NCKAP1: variants seen among roughly 807,000 people sequenced by gnomAD.
NCKAP1 encodes the protein NCK associated protein 1.
NCKAP1 carries 21 observed loss-of-function variants against 151.2 expected under a neutral mutation model. The ratio of observed to expected loss-of-function variants is 0.14; its 90% CI spans 0.10 to 0.20. The LOEUF is 0.20. Ranked by LOEUF, NCKAP1 falls within the 10% of genes least tolerant of loss-of-function variation. The pLI is 1.00. For synonymous variants in NCKAP1, 484 were observed against 451.8 expected (o/e 1.07, Z -0.90); for missense variants, 933 against 1,352.1 (o/e 0.69, Z 4.86).
chr2:182,978,244 C>T (rs1697865795), intron 14 of NCKAP1, among the ~76,000 whole-genome samples: 2 of 152,244 alleles, frequency 1.3e-5, no homozygotes, highest in Middle Eastern at 6.8e-3. Flanking sequence ...TATTAAAAGA[C>T]TATAAAACTA....
At chr2:183,028,102 C>A (rs779495594) in intron 1 of NCKAP1, among the ~76,000 whole-genome samples, 22 of 152,028 alleles carry the variant, frequency 1.4e-4, no homozygotes, top group African/African-American at 5.3e-4. Flanking sequence ...GCACTTCTAT[C>A]CCCCATACTC....
intron 4 of NCKAP1, among the ~76,000 whole-genome samples, chr2:183,002,624 T>A (rs950228841): frequency 6.6e-6 from 1 of 151,792 alleles, no homozygotes; most frequent in Admixed American, 6.6e-5. Flanking sequence ...TGGAGACAAT[T>A]TTCACTTTGA....
At chr2:182,995,495 A>G (rs1698250951) in intron 7 of NCKAP1, among the ~76,000 whole-genome samples, 1 of 152,334 alleles carries the variant, frequency 6.6e-6, no homozygotes, top group Non-Finnish European at 1.5e-5. Flanking sequence ...TACTCATACT[A>G]TTCACCATAT....
At chr2:183,016,504 T>C (rs889964756) in intron 2 of NCKAP1, among the ~76,000 whole-genome samples, 1 of 152,234 alleles carries the variant, frequency 6.6e-6, no homozygotes, top group Non-Finnish European at 1.5e-5. Flanking sequence ...ATTCCTTAAA[T>C]CCTGGCAATG....
chr2:183,005,088 A>G lies in NCKAP1; in HGVS notation c.220-1763T>C, dbSNP rs528463181. ...TTTTAATCATTACTACTCCAAAAAC[A>G]TAAAGTGAATACTTATTACCTTATT... On this transcript the variant is annotated intron_variant, in intron 2 of 30. Coordinates refer to ENST00000361354, the MANE Select transcript of NCKAP1 (RefSeq NM_013436.5). 9.2e-5 allele frequency among the ~76,000 whole-genome samples: 14 copies of G among 152,284 alleles called. No individual in the cohort carries two copies. In the South Asian group the frequency reaches 2.9e-3, roughly 32 times the overall value.
chr2:183,024,295 G>C (rs1356138927), intron 1 of NCKAP1, among the ~76,000 whole-genome samples: 4 of 152,112 alleles, frequency 2.6e-5, no homozygotes, highest in African/African-American at 9.7e-5. Flanking sequence ...CTTTCTAAGT[G>C]TTATAAAATA....
Position 182,914,686 on chromosome 2 carries a change from A to G in NCKAP1, c.*11016T>C, listed in dbSNP as rs904821008. 2 of 152,208 alleles carry G rather than the reference A, an allele frequency of 1.3e-5. No individual in the cohort carries two copies. Among genetic ancestry groups the G allele is most frequent in the African/African-American group, 4.8e-5 (2 of 41,452 alleles). The allele number at this position is 152,208 out of a possible 1,614,324, so 9.4% of individuals were successfully genotyped here. A position where few individuals can be genotyped will look rare whatever the true frequency, so the allele number is the denominator to read the frequency against. ...GAGGGGTTCTATTACTAATTTGAAG[A>G]GTAAAAAGAGTAAAAAGGAACAAAT... On this transcript the variant is annotated 3_prime_UTR_variant, in exon 31 of 31. Coordinates refer to ENST00000361354, the MANE Select transcript of NCKAP1 (RefSeq NM_013436.5).
intron 14 of NCKAP1, among the ~76,000 whole-genome samples, chr2:182,978,056 AC>A (rs1328335196): frequency 6.6e-6 from 1 of 152,168 alleles, no homozygotes; most frequent in Non-Finnish European, 1.5e-5. Flanking sequence ...GAGAGATCCT[AC>A]GAATAGAAAC....
intron 2 of NCKAP1, among the ~76,000 whole-genome samples, chr2:183,017,660 T>G (rs1479840370): frequency 6.6e-6 from 1 of 152,122 alleles, no homozygotes; most frequent in Non-Finnish European, 1.5e-5. Context: ...GCCTGGGGGT[T>G]GGGGACCCTG....
intron 24 of NCKAP1, among the ~76,000 whole-genome samples, chr2:182,939,546 AAT>A (rs1696951452): frequency 6.6e-6 from 1 of 152,040 alleles, no homozygotes; most frequent in Non-Finnish European, 1.5e-5. Context: ...TAAAAATAAA[AAT>A]AGATAAAATA....
chr2:183,021,030 A>G (rs1019845811), intron 2 of NCKAP1, among the ~76,000 whole-genome samples: 7 of 152,228 alleles, frequency 4.6e-5, no homozygotes, highest in African/African-American at 1.7e-4. Context: ...TTTGCAAACA[A>G]AACAAAGTAA....
At chr2:183,021,510 CTAAGA>C (rs1345859256) in intron 2 of NCKAP1, among the ~76,000 whole-genome samples, 1 of 152,120 alleles carries the variant, frequency 6.6e-6, no homozygotes, top group Admixed American at 6.5e-5. Context: ...ACTTAGGAGG[CTAAGA>C]TGAGAACATC....
chr2:182,957,436 A>G (rs1443809424), intron 19 of NCKAP1, 21 bp downstream of exon 19: 1 of 1,598,918 alleles, frequency 6.3e-7, no homozygotes, highest in South Asian at 1.1e-5. Flanking sequence ...GCAAAAAGGT[A>G]TAATATAAGT....
intron 13 of NCKAP1, among the ~76,000 whole-genome samples, chr2:182,980,557 T>A (rs1019336528): frequency 6.6e-6 from 1 of 152,052 alleles, no homozygotes; most frequent in African/African-American, 2.4e-5. Flanking sequence ...ATAAAAAGTT[T>A]TTTAAATTTA....
intron 26 of NCKAP1, among the ~76,000 whole-genome samples, chr2:182,931,643 A>G (rs768203302): frequency 4.8e-4 from 73 of 152,166 alleles, no homozygotes; most frequent in Non-Finnish European, 9.9e-4. Flanking sequence ...CACCAAAAGC[A>G]CAAACAAACC....
chr2:183,012,840 G>A (rs1218077908), intron 2 of NCKAP1, among the ~76,000 whole-genome samples: 1 of 150,086 alleles, frequency 6.7e-6, no homozygotes, highest in Non-Finnish European at 1.5e-5. Context: ...GGTCAGGCTG[G>A]TCTCGAACTC....
chr2:182,936,602 GTTTTA>G (rs1275803343), intron 24 of NCKAP1, among the ~76,000 whole-genome samples: 1 of 152,106 alleles, frequency 6.6e-6, no homozygotes, highest in Non-Finnish European at 1.5e-5. Context: ...AGAGAGAAGT[GTTTTA>G]TTTTAACTTT....
intron 1 of NCKAP1, 151 bp from the exon 2 acceptor site, chr2:183,024,067 T>A: frequency 1.6e-6 from 1 of 620,200 alleles, no homozygotes; most frequent in East Asian, 2.8e-5. Context: ...TTGTCACAGC[T>A]GAAATATGCA....
intron 24 of NCKAP1, among the ~76,000 whole-genome samples, chr2:182,937,566 C>T (rs1389279885): frequency 6.6e-6 from 1 of 152,034 alleles, no homozygotes; most frequent in East Asian, 1.9e-4. Flanking sequence ...ATCCTTCAAG[C>T]AATGAGGGTG....
Sources: gnomAD v4.1 joint callset for allele counts (sites outside exome capture counted in the v4.1 genomes callset) on GRCh38, gnomAD v4.1.1 for gene constraint, MANE v1.5 for transcripts, NCBI Gene and HGNC (gene_info 2026-07-23, HGNC 2026-07-21) for gene names.